Variants in ARK2C observed in about 807,000 individuals in gnomAD.
ARK2C encodes the protein E3 ubiquitin-protein ligase ARK2C.
chr18:46,396,740 A>T, the ARK2C span, among the ~76,000 whole-genome samples: 2 of 152,250 alleles, frequency 1.3e-5, no homozygotes, highest in South Asian at 2.1e-4. Flanking sequence ...CAGAGAAGGG[A>T]CACCAGCAGC....
At chr18:46,338,749 A>G in the ARK2C span, among the ~76,000 whole-genome samples, 2 of 152,170 alleles carry the variant, frequency 1.3e-5, no homozygotes, top group Non-Finnish European at 2.9e-5. Context: ...TAAATGAGGC[A>G]TTTTAGACAC....
chr18:46,387,941 G>A, the ARK2C span, among the ~76,000 whole-genome samples: 1 of 152,356 alleles, frequency 6.6e-6, no homozygotes, highest in South Asian at 2.1e-4. Flanking sequence ...GTTCCTTCAA[G>A]CCTACAGGCA....
chr18:46,354,587 C>G, the ARK2C span, among the ~76,000 whole-genome samples: 1 of 152,254 alleles, frequency 6.6e-6, no homozygotes, highest in Non-Finnish European at 1.5e-5. Context: ...CCGATCCTCT[C>G]TAGAGTTTTC....
At chr18:46,359,591 C>T in the ARK2C span, among the ~76,000 whole-genome samples, 168 of 152,304 alleles carry the variant, frequency 1.1e-3, no homozygotes, top group East Asian at 0.014. Context: ...CCATGGACTC[C>T]ACCTGAAAGC....
the ARK2C span, among the ~76,000 whole-genome samples, chr18:46,417,464 G>A: frequency 6.6e-6 from 1 of 152,246 alleles, no homozygotes. Context: ...GCCTTTGCGT[G>A]TGCAGTTCTG....
At chr18:46,397,632 G>A in the ARK2C span, among the ~76,000 whole-genome samples, 3 of 136,424 alleles carry the variant, frequency 2.2e-5, no homozygotes, top group South Asian at 7.3e-4. Context: ...AGGTGTGAGG[G>A]TGTGTGTGTG....
At chr18:46,370,824 A>C in the ARK2C span, among the ~76,000 whole-genome samples, 19,071 of 152,110 alleles carry the variant, frequency 0.13, 2,230 homozygotes, top group African/African-American at 0.31. Context: ...AAGATCCTAC[A>C]AGCTGTTGGA....
At chr18:46,364,683 A>G in the ARK2C span, among the ~76,000 whole-genome samples, 1 of 152,194 alleles carries the variant, frequency 6.6e-6, no homozygotes, top group African/African-American at 2.4e-5. Context: ...GGTGATTCAC[A>G]TGGCTTCTTG....
At chr18:46,400,628 A>C in the ARK2C span, among the ~76,000 whole-genome samples, 1 of 152,140 alleles carries the variant, frequency 6.6e-6, no homozygotes, top group Non-Finnish European at 1.5e-5. Flanking sequence ...CCATTCTCAC[A>C]GGTCTCCATC....
At chr18:46,341,381 G>A in the ARK2C span, among the ~76,000 whole-genome samples, 1 of 152,058 alleles carries the variant, frequency 6.6e-6, no homozygotes, top group Non-Finnish European at 1.5e-5. Context: ...GGAGTTTACT[G>A]TAAGGTGGAG....
the ARK2C span, among the ~76,000 whole-genome samples, chr18:46,446,996 G>T: frequency 6.6e-6 from 1 of 151,998 alleles, no homozygotes; most frequent in Non-Finnish European, 1.5e-5. Context: ...ATCTGAAATT[G>T]GCCATTTTCC....
the ARK2C span, among the ~76,000 whole-genome samples, chr18:46,429,015 T>C: frequency 7.6e-4 from 115 of 152,310 alleles, no homozygotes; most frequent in African/African-American, 2.7e-3. Context: ...TCTGTCACAC[T>C]GGCAGTCTCC....
the ARK2C span, among the ~76,000 whole-genome samples, chr18:46,378,685 C>T: frequency 3.9e-4 from 59 of 152,222 alleles, no homozygotes; most frequent in African/African-American, 1.3e-3. Context: ...TGGCATGAAC[C>T]CATAAATACA....
the ARK2C span, among the ~76,000 whole-genome samples, chr18:46,424,205 G>A: frequency 6.6e-6 from 1 of 152,246 alleles, no homozygotes. Context: ...GCCCAGGGTA[G>A]TCAGGGTTGG....
chr18:46,413,768 A>G, the ARK2C span, among the ~76,000 whole-genome samples: 3 of 152,148 alleles, frequency 2.0e-5, no homozygotes, highest in African/African-American at 7.2e-5. Flanking sequence ...AGCACATTAC[A>G]TATGCACGTG....
chr18:46,377,614 G>A, the ARK2C span, among the ~76,000 whole-genome samples: 1 of 152,202 alleles, frequency 6.6e-6, no homozygotes, highest in Non-Finnish European at 1.5e-5. Flanking sequence ...AGGTTATCAG[G>A]TAAAGGGAGA....
chr18:46,455,458 G>C, the ARK2C span, among the ~76,000 whole-genome samples: 1 of 152,146 alleles, frequency 6.6e-6, no homozygotes, highest in Non-Finnish European at 1.5e-5. Context: ...GAAAGTGCCT[G>C]GGACAGCAAA....
chr18:46,372,456 A>C, the ARK2C span, among the ~76,000 whole-genome samples: 1 of 152,234 alleles, frequency 6.6e-6, no homozygotes. Flanking sequence ...GAAAATAGTG[A>C]CATAAAGGGC....
chr18:46,359,132 G>T, the ARK2C span, among the ~76,000 whole-genome samples: 1 of 152,204 alleles, frequency 6.6e-6, no homozygotes, highest in Non-Finnish European at 1.5e-5. Flanking sequence ...AGAGGAAGAC[G>T]TTAGAAGCTA....
Sources: gnomAD v4.1 joint callset for allele counts (sites outside exome capture counted in the v4.1 genomes callset) on GRCh38, gnomAD v4.1.1 for gene constraint, MANE v1.5 for transcripts, NCBI Gene and HGNC (gene_info 2026-07-23, HGNC 2026-07-21) for gene names.